The following CLVS1 variants were observed in gnomAD, a reference collection of about 807,000 sequenced individuals.
The protein encoded by CLVS1 is clavesin 1.
CLVS1 carries 10 observed loss-of-function variants against 33.1 expected under a neutral mutation model. The observed-to-expected ratio is 0.30, with a 90% CI of 0.19 to 0.51. CLVS1 has a LOEUF of 0.51. Ranked by LOEUF, CLVS1 falls within the 20% of genes least tolerant of loss-of-function variation. The pLI is 0.97. For synonymous variants in CLVS1, 163 were observed against 166.1 expected (o/e 0.98, Z 0.14); for missense variants, 343 against 433.4 (o/e 0.79, Z 1.85).
chr8:61,161,464 G>A (rs1382247695), intron 2 of CLVS1, among the ~76,000 whole-genome samples: 1 of 152,130 alleles, frequency 6.6e-6, no homozygotes, highest in Non-Finnish European at 1.5e-5. Flanking sequence ...ATACTATTCA[G>A]CCTTAAAAAA....
chr8:61,276,849 A>T (rs1015634325), intron 2 of CLVS1, among the ~76,000 whole-genome samples: 3 of 152,210 alleles, frequency 2.0e-5, no homozygotes, highest in Non-Finnish European at 1.5e-5. Flanking sequence ...AGGACAAGTT[A>T]TGTATGGGAT....
chr8:61,375,440 G>A (rs181910628), intron 2 of CLVS1, among the ~76,000 whole-genome samples: 6 of 151,946 alleles, frequency 3.9e-5, no homozygotes, highest in Admixed American at 2.0e-4. Context: ...TAGTCGAGAC[G>A]GGGTTTCACC....
chr8:61,410,081 T>TTG (rs1364508164), intron 3 of CLVS1, among the ~76,000 whole-genome samples: 1 of 150,634 alleles, frequency 6.6e-6, no homozygotes, highest in Non-Finnish European at 1.5e-5. Context: ...TTTTTTTTTT[T>TTG]TTTTCTTTGT....
At chr8:61,220,256 T>C (rs1481465410) in intron 2 of CLVS1, among the ~76,000 whole-genome samples, 3 of 152,228 alleles carry the variant, frequency 2.0e-5, no homozygotes, top group Non-Finnish European at 4.4e-5. Flanking sequence ...TAAAAGGTAT[T>C]GCCTAAGTTT....
At chr8:61,374,606 A>G (rs1813568875) in intron 2 of CLVS1, among the ~76,000 whole-genome samples, 1 of 152,372 alleles carries the variant, frequency 6.6e-6, no homozygotes, top group Admixed American at 6.5e-5. Context: ...AAAAGCACAC[A>G]AAGTCCCAAT....
chr8:61,026,308 C>T, the CLVS1 span, among the ~76,000 whole-genome samples: 7 of 152,124 alleles, frequency 4.6e-5, no homozygotes, highest in African/African-American at 1.4e-4. Flanking sequence ...TCTCACAGTT[C>T]TCAAGAGGAA....
intron 1 of CLVS1, among the ~76,000 whole-genome samples, chr8:61,114,479 C>A (rs1214404729): frequency 6.6e-6 from 1 of 152,094 alleles, no homozygotes; most frequent in Non-Finnish European, 1.5e-5. Context: ...TAGATAAAAC[C>A]ACTCTTGCCT....
intron 2 of CLVS1, among the ~76,000 whole-genome samples, chr8:61,173,570 A>G (rs1402638566): frequency 1.3e-5 from 2 of 152,196 alleles, no homozygotes; most frequent in Non-Finnish European, 2.9e-5. Flanking sequence ...AGTTCAAAGA[A>G]TTTTAACATT....
the CLVS1 span, among the ~76,000 whole-genome samples, chr8:60,977,305 G>A: frequency 7.9e-5 from 12 of 152,188 alleles, no homozygotes; most frequent in East Asian, 9.7e-4. Context: ...AGGAAAATAT[G>A]GTTCATTCAC....
chr8:61,278,133 G>A (rs1220892517), intron 2 of CLVS1, among the ~76,000 whole-genome samples: 1 of 152,134 alleles, frequency 6.6e-6, no homozygotes, highest in Non-Finnish European at 1.5e-5. Context: ...TGTGGGGGCC[G>A]AGAGCATTCC....
chr8:61,259,350 T>C (rs1809151667), intron 2 of CLVS1, among the ~76,000 whole-genome samples: 1 of 152,190 alleles, frequency 6.6e-6, no homozygotes, highest in Non-Finnish European at 1.5e-5. Context: ...TTCACTCGTA[T>C]ATAAGCTGAG....
At chr8:61,014,085 G>GTTTTTT in the CLVS1 span, among the ~76,000 whole-genome samples, 22 of 126,818 alleles carry the variant, frequency 1.7e-4, no homozygotes, top group Admixed American at 2.3e-4. Flanking sequence ...ACTTTTTAGT[G>GTTTTTT]TTTTTTTTTT....
intron 3 of CLVS1, among the ~76,000 whole-genome samples, chr8:61,437,793 A>G (rs1195496796): frequency 4.6e-5 from 7 of 152,232 alleles, no homozygotes; most frequent in Non-Finnish European, 1.0e-4. Flanking sequence ...ATGGGAGTTT[A>G]TGAAATATTT....
the CLVS1 span, among the ~76,000 whole-genome samples, chr8:61,020,639 G>A: frequency 1.3e-5 from 2 of 152,226 alleles, no homozygotes; most frequent in African/African-American, 2.4e-5. Context: ...AGAAGGTTTT[G>A]TGAATTGATT....
At chr8:61,185,302 C>T (rs143372361) in intron 2 of CLVS1, among the ~76,000 whole-genome samples, 53 of 128,468 alleles carry the variant, frequency 4.1e-4, no homozygotes, top group African/African-American at 1.0e-3. Context: ...CCACCATGCC[C>T]GGCTAATTTT....
intron 2 of CLVS1, among the ~76,000 whole-genome samples, chr8:61,177,408 G>T (rs1478019090): frequency 6.6e-6 from 1 of 152,202 alleles, no homozygotes; most frequent in African/African-American, 2.4e-5. Flanking sequence ...CCTTCTGCTA[G>T]CTCTGAGGAA....
chr8:61,434,277 G>A (rs1232300607), intron 3 of CLVS1, among the ~76,000 whole-genome samples: 1 of 152,218 alleles, frequency 6.6e-6, no homozygotes, highest in Non-Finnish European at 1.5e-5. Flanking sequence ...ACAGAATTTA[G>A]AAGGCCACAT....
the CLVS1 span, among the ~76,000 whole-genome samples, chr8:60,988,741 C>CA: frequency 6.6e-6 from 1 of 152,080 alleles, no homozygotes; most frequent in Non-Finnish European, 1.5e-5. Flanking sequence ...AATTTAACAC[C>CA]AACAATACTA....
At chr8:61,388,021 C>T (rs977354859) in intron 3 of CLVS1, among the ~76,000 whole-genome samples, 2 of 151,982 alleles carry the variant, frequency 1.3e-5, no homozygotes, top group Non-Finnish European at 2.9e-5. Flanking sequence ...TTTTATATTT[C>T]AAAGGACTTA....
Sources: allele counts gnomAD v4.1 joint callset (sites outside exome capture counted in the v4.1 genomes callset), GRCh38; gene constraint gnomAD v4.1.1; transcripts MANE v1.5; gene names NCBI Gene and HGNC (gene_info 2026-07-23, HGNC 2026-07-21).